Variants in BPIFB4 observed in about 807,000 individuals in gnomAD.
BPIFB4 encodes the protein BPI fold-containing family B member 4.
In BPIFB4, 62 loss-of-function variants were observed where a neutral mutation model predicts 69.2. The ratio of observed to expected loss-of-function variants is 0.90; its 90% confidence interval spans 0.73 to 1.11. The LOEUF is 1.11. Ranked by LOEUF, BPIFB4 falls within the 50% of genes least tolerant of loss-of-function variation. The pLI is 0.00. For missense variants in BPIFB4, 789 were observed against 792.0 expected (o/e 1.00, Z 0.04); for synonymous variants, 330 against 332.7 (o/e 0.99, Z 0.09).
chr20:33,088,760 T>C (rs1039268152), intron 7 of BPIFB4, among the ~76,000 whole-genome samples: 1 of 152,194 alleles, frequency 6.6e-6, no homozygotes, highest in Non-Finnish European at 1.5e-5. Flanking sequence ...AATGCATGAA[T>C]TCATGAAAAG....
At chr20:33,094,972 C>A (rs2024934) in intron 11 of BPIFB4, 128 bp from the exon 12 acceptor site, 273,140 of 886,558 alleles carry the variant, frequency 0.31, 43,595 homozygotes, top group Middle Eastern at 0.4. Flanking sequence ...AGGGGTCTTT[C>A]AGGGAGAGAA....
intron 2 of BPIFB4, 111 bp from the exon 3 acceptor site, chr20:33,081,401 C>T (rs1330425460): frequency 6.8e-7 from 1 of 1,462,486 alleles, no homozygotes; most frequent in Non-Finnish European, 9.0e-7. Context: ...TTTCCCCTCT[C>T]TCTGGGTCCC....
In BPIFB4 at chr20:33,092,599, T is replaced by C; in HGVS notation, c.1285T>C (p.Ser429Pro). ...GGCCATGTCTGCCAACTTCCTGGGC[T>C]CAGTGCTGACTCTACTGCAGAAGCA... ...QLAMSANFLGSVLTLLQKQHA... is the reference protein window; with the variant it reads ...QLAMSANFLGPVLTLLQKQHA... The change falls in exon 11 of 18, where the codon TCA (serine) becomes CCA (proline). Residue 429 changes from serine to proline, a missense_variant. Transcript: ENST00000375483. 6.2e-7 allele frequency: 1 copy of C among 1,613,816 alleles called. No individual in the cohort carries two copies. Among genetic ancestry groups the C allele is most frequent in the Non-Finnish European group, 8.5e-7 (1 of 1,180,016 alleles).
rs1982029124 is a variant in BPIFB4, at chr20:33,105,699, G to A, written c.1744+826G>A. Among the ~76,000 whole-genome samples the A allele has an allele frequency of 2.0e-5, 3 of 152,338 alleles. No individual in the cohort carries two copies. The South Asian group carries it at 6.2e-4, about 32-fold the overall frequency. On this transcript the variant is annotated intron_variant, in intron 16 of 17. Transcript: ENST00000375483. ...CATCAGCTACACCAGCGGGGGTTCTGTTGGAGCCATCTTGATGTCAAACAA... is the reference window on the plus strand; with the variant it reads ...CATCAGCTACACCAGCGGGGGTTCTATTGGAGCCATCTTGATGTCAAACAA...
chr20:33,108,436 T>TATATATATATATATACACACAC (rs1271417747), intron 17 of BPIFB4, among the ~76,000 whole-genome samples: 1 of 148,512 alleles, frequency 6.7e-6, no homozygotes, highest in African/African-American at 2.5e-5. Context: ...TATATATATA[T>TATATATATATATATACACACAC]AGACATATAT....
intron 5 of BPIFB4, 30 bp from the exon 6 acceptor site, chr20:33,084,862 G>C: frequency 6.3e-7 from 1 of 1,598,474 alleles, no homozygotes; most frequent in Non-Finnish European, 8.5e-7. Flanking sequence ...TGGGGTGGCC[G>C]GCCTTCTCAC....
chr20:33,109,866 C>T (rs770505814), intron 17 of BPIFB4, among the ~76,000 whole-genome samples: 4 of 152,038 alleles, frequency 2.6e-5, no homozygotes, highest in Non-Finnish European at 4.4e-5. Flanking sequence ...CAGGCTTGAC[C>T]CTGTAGGCCC....
Position 33,086,660 on chromosome 20 carries a change from C to T in BPIFB4, c.926+496C>T, listed in dbSNP as rs532502243. 1.0e-3 allele frequency among the ~76,000 whole-genome samples: 154 copies of T among 152,274 alleles called. 2 individuals carry two copies. The highest frequency in any genetic ancestry group is 1.7e-3 in the Non-Finnish European group (113 of 68,014). On this transcript the variant is annotated intron_variant, in intron 7 of 17. Transcript: ENST00000375483. ...GATATCTTGAGAGCTGATGAACGTA[C>T]GTCCAACAGGGGTTGTGTGCGTTGG...
chr20:33,086,041 T>A lies in BPIFB4; in HGVS notation c.803T>A (p.Ile268Asn), dbSNP rs1238091771. 1 of 1,611,906 alleles carries A rather than the reference T, an allele frequency of 6.2e-7. No homozygotes were observed. Among genetic ancestry groups the A allele is most frequent in the Non-Finnish European group, 8.5e-7 (1 of 1,178,192 alleles). ...NGKSLIGFLD[I>N]AVEVNITAKV... ...TCCAGTCTTATTGGCTTCCTGGACA[T>A]CGCAGTAGAAGTGAACATCACAGCC... Residue 268 changes from isoleucine to asparagine, a missense_variant, in exon 7 of 18, where the codon ATC becomes AAC. Around this residue, in one of 3 missense-constraint regions of BPIFB4, gnomAD observed 611 missense variants for 575.4 expected, o/e 1.06. Coordinates refer to ENST00000375483, the MANE Select transcript of BPIFB4 (RefSeq NM_182519.3).
At chr20:33,089,666 G>A in intron 9 of BPIFB4, 108 bp downstream of exon 9, 1 of 1,559,522 alleles carries the variant, frequency 6.4e-7, no homozygotes. Context: ...TTAGGCCCTT[G>A]AAGTGAGGAG....
At chr20:33,110,046 G>A (rs1262840490) in intron 17 of BPIFB4, among the ~76,000 whole-genome samples, 1 of 152,104 alleles carries the variant, frequency 6.6e-6, no homozygotes, top group Non-Finnish European at 1.5e-5. Context: ...CATAAACAGA[G>A]TACCATGATC....
intron 16 of BPIFB4, among the ~76,000 whole-genome samples, chr20:33,105,444 G>T (rs572937591): frequency 5.3e-5 from 8 of 152,288 alleles, no homozygotes; most frequent in African/African-American, 1.9e-4. Context: ...CAAGTTAGGA[G>T]GTTTTCTTGC....
At chr20:33,108,551 G>A (rs1398340613) in intron 17 of BPIFB4, among the ~76,000 whole-genome samples, 5 of 151,694 alleles carry the variant, frequency 3.3e-5, no homozygotes, top group Non-Finnish European at 7.4e-5. Context: ...GTAGAGCATT[G>A]GGGTTAAAGA....
intron 16 of BPIFB4, among the ~76,000 whole-genome samples, chr20:33,105,747 T>C (rs2424957): frequency 0.52 from 79,537 of 151,526 alleles, 21,489 homozygotes; most frequent in Middle Eastern, 0.62. Flanking sequence ...GGCCCTGTGG[T>C]CAGAGGAAGC....
chr20:33,085,095 A>T, intron 6 of BPIFB4, 99 bp downstream of exon 6: 1 of 1,506,808 alleles, frequency 6.6e-7, no homozygotes, highest in Non-Finnish European at 8.9e-7. Context: ...CTGCCAGTGC[A>T]TGCCCACAGA....
chr20:33,081,704 C>T (rs1981236955), intron 3 of BPIFB4, 72 bp downstream of exon 3: 6 of 1,529,338 alleles, frequency 3.9e-6, no homozygotes, highest in Non-Finnish European at 4.4e-6. Flanking sequence ...CTGAAGTACC[C>T]AGGAACCTCC....
intron 14 of BPIFB4, among the ~76,000 whole-genome samples, chr20:33,102,703 G>GT (rs1204969908): frequency 6.6e-6 from 1 of 152,180 alleles, no homozygotes; most frequent in Non-Finnish European, 1.5e-5. Context: ...GCATAGAAAG[G>GT]TAAAGTACCT....
At chr20:33,087,310 C>T (rs992280974) in intron 7 of BPIFB4, among the ~76,000 whole-genome samples, 2 of 152,236 alleles carry the variant, frequency 1.3e-5, no homozygotes, top group African/African-American at 4.8e-5. Context: ...TCTCAATTCT[C>T]CTTCCAGTTT....
intron 7 of BPIFB4, among the ~76,000 whole-genome samples, chr20:33,086,993 C>T (rs1430775285): frequency 6.6e-6 from 1 of 152,122 alleles, no homozygotes; most frequent in Non-Finnish European, 1.5e-5. Context: ...TCCCCCCAGC[C>T]CTTGAAACTC....
Sources: allele counts gnomAD v4.1 joint callset (sites outside exome capture counted in the v4.1 genomes callset), GRCh38; gene constraint gnomAD v4.1.1; regional missense constraint gnomAD v4.1.1; transcripts MANE v1.5; gene names NCBI Gene and HGNC (gene_info 2026-07-23, HGNC 2026-07-21).